CFAP99: variants seen among roughly 807,000 people sequenced by gnomAD.
The protein encoded by CFAP99 is cilia and flagella associated protein 99, also known as cilia- and flagella-associated protein 99.
In CFAP99, 84 loss-of-function variants were observed where a neutral mutation model predicts 82.7. That is an observed-to-expected ratio of 1.02 (90% CI 0.85 to 1.22). The LOEUF (loss-of-function observed/expected upper bound fraction) is 1.22, where lower values mean the gene tolerates loss of function less well. Among genes scored for constraint, CFAP99 ranks in the 50% most tolerant of loss-of-function variants. The pLI is 0.00. For synonymous variants in CFAP99, 456 were observed against 429.5 expected (o/e 1.06, Z -0.76); for missense variants, 1,059 against 983.5 (o/e 1.08, Z -1.03).
chr4:2,462,331 C>T lies in CFAP99; in HGVS notation c.1662-112C>T. On this transcript the variant is annotated intron_variant, in intron 14 of 14. Transcript: ENST00000635017. The surrounding 1 kb of genome is among the most constrained non-coding windows in gnomAD (Gnocchi z 4.1). ...TCTGTCCTAAATCATTCCGGTGAAC[C>T]TCTCCGGCTGCGTAGCTCCTTGCCC... The T allele has an allele frequency of 1.8e-6, 2 of 1,098,698 alleles. No individual in the cohort carries two copies. Among genetic ancestry groups the T allele is most frequent in the Non-Finnish European group, 2.4e-6 (2 of 829,634 alleles). The allele number at this position is 1,098,698 out of a possible 1,614,324, so 68.1% of individuals were successfully genotyped here.
chr4:2,429,452 C>T (rs541548708), intron 2 of CFAP99, among the ~76,000 whole-genome samples: 10 of 152,196 alleles, frequency 6.6e-5, no homozygotes, highest in Admixed American at 2.6e-4. Context: ...CCTGGCACAC[C>T]GATCCTACCG....
At chr4:2,453,998 T>G (rs1029483718) in intron 11 of CFAP99, among the ~76,000 whole-genome samples, 1 of 151,246 alleles carries the variant, frequency 6.6e-6, no homozygotes, top group Non-Finnish European at 1.5e-5. Context: ...TTTTTGGTTT[T>G]TGGTTTTTTT....
Position 2,462,647 on chromosome 4 carries a change from C to G in CFAP99, c.1866C>G (p.Ala622=). Residue 622 remains alanine, a synonymous_variant, in exon 15 of 15, where the codon GCC becomes GCG. Transcript: ENST00000635017. This position sits in a 1 kb window ranked among gnomAD's most constrained non-coding sequence, Gnocchi z 4.1. ...GGGAGGAGCCCGGGCGACTGAAAGC[C>G]GGGGCCGGGTGGGGATGGCGGGCGC... The G allele has an allele frequency of 1.6e-6, 2 of 1,289,036 alleles. No individual in the cohort carries two copies. The highest frequency in any genetic ancestry group is 2.0e-6 in the Non-Finnish European group (2 of 1,021,248). 79.8% of individuals were successfully genotyped at this position (1,289,036 alleles called of 1,614,324 possible). A position where few individuals can be genotyped will look rare whatever the true frequency, so the allele number is the denominator to read the frequency against.
At chr4:2,419,954 T>TA (rs1560373645) in intron 1 of CFAP99, among the ~76,000 whole-genome samples, 1 of 152,118 alleles carries the variant, frequency 6.6e-6, no homozygotes, top group African/African-American at 2.4e-5. Context: ...AAGCTCTTTA[T>TA]CAAAGTCATC....
chr4:2,433,888 C>CG (rs1356536496), intron 2 of CFAP99, among the ~76,000 whole-genome samples: 1 of 152,182 alleles, frequency 6.6e-6, no homozygotes, highest in Non-Finnish European at 1.5e-5. Flanking sequence ...CTGGGGACTC[C>CG]GAGGGAGCTG....
rs1734220382 is a variant in CFAP99, at chr4:2,448,474, AG to A, written c.643-1193del. Among the ~76,000 whole-genome samples, 1 of 152,234 alleles carries A rather than the reference AG, an allele frequency of 6.6e-6. No individual in the cohort carries two copies. On this transcript the variant is annotated intron_variant, in intron 6 of 14. Coordinates refer to ENST00000635017, the Ensembl canonical transcript of CFAP99. This position sits in a 1 kb window ranked among gnomAD's most constrained non-coding sequence, Gnocchi z 5.2. ...AAGACATCCTTCTGCTTCAGGGTTG[AG>A]GGCCCACTGTAATTCACTCATTCAT...
At chr4:2,432,251 G>A (rs1347952047) in intron 2 of CFAP99, among the ~76,000 whole-genome samples, 3 of 152,182 alleles carry the variant, frequency 2.0e-5, no homozygotes, top group African/African-American at 7.2e-5. Context: ...AACAGTATAA[G>A]GCATGTGCCA....
intron 11 of CFAP99, among the ~76,000 whole-genome samples, chr4:2,453,521 C>T (rs1008812795): frequency 6.6e-6 from 1 of 152,148 alleles, no homozygotes; most frequent in Non-Finnish European, 1.5e-5. Flanking sequence ...CCGCATGCCC[C>T]GCCACAGAGT....
exon 3 of CFAP99, chr4:2,436,896 G>C (rs1321511888): frequency 6.5e-7 from 1 of 1,535,912 alleles, no homozygotes; most frequent in African/African-American, 1.4e-5. Context: ...CAGAAGCAGA[G>C]CTTTGTTTTG....
At chr4:2,455,355 CTTGTG>C (rs1330170259) in intron 11 of CFAP99, among the ~76,000 whole-genome samples, 1 of 152,164 alleles carries the variant, frequency 6.6e-6, no homozygotes, top group African/African-American at 2.4e-5. Context: ...ACAGTCTTTT[CTTGTG>C]TTGTGTTTGG....
chr4:2,458,704 AG>A lies in CFAP99; in HGVS notation c.1162-17del. The A allele has an allele frequency of 6.6e-7, 1 of 1,525,174 alleles. No individual in the cohort carries two copies. The highest frequency in any genetic ancestry group is 8.8e-7 in the Non-Finnish European group (1 of 1,140,336). The allele number at this position is 1,525,174 out of a possible 1,614,324, so 94.5% of individuals were successfully genotyped here. A position where few individuals can be genotyped will look rare whatever the true frequency, so the allele number is the denominator to read the frequency against. On this transcript the variant is annotated intron_variant, in intron 11 of 14. Transcript: ENST00000635017. ...CCGGAGCAGCCCCACTCACCGTGGCAGGTCCGCTGTCTGGGCAGATGGCCAA... is the reference window on the plus strand; with the variant it reads ...CCGGAGCAGCCCCACTCACCGTGGCAGTCCGCTGTCTGGGCAGATGGCCAA...
At chr4:2,427,887 C>G (rs61535986) in intron 2 of CFAP99, 1 of 152,382 alleles carries the variant, frequency 6.6e-6, no homozygotes, top group African/African-American at 2.4e-5. Context: ...GGGGCCCCCA[C>G]CCATCCCTGC....
chr4:2,442,398 T>C (rs920679353), intron 4 of CFAP99, among the ~76,000 whole-genome samples: 6 of 152,016 alleles, frequency 3.9e-5, no homozygotes, highest in African/African-American at 1.4e-4. Context: ...GGATCCCTGG[T>C]TTCCTCTGCA....
chr4:2,422,732 G>A (rs890538277), intron 1 of CFAP99, among the ~76,000 whole-genome samples: 2 of 152,160 alleles, frequency 1.3e-5, no homozygotes, highest in African/African-American at 4.8e-5. Context: ...CCCATCCCAG[G>A]GCAGCCTGAC....
Position 2,451,152 on chromosome 4 carries a change from A to T in CFAP99, c.868-112A>T, listed in dbSNP as rs951501129. 4 of 1,446,014 alleles carry T rather than the reference A, an allele frequency of 2.8e-6. No individual in the cohort carries two copies. In the African/African-American group the frequency reaches 5.6e-5, roughly 20 times the overall value. 89.6% of individuals were successfully genotyped at this position (1,446,014 alleles called of 1,614,324 possible). On this transcript the variant is annotated intron_variant, in intron 9 of 14. Transcript: ENST00000635017. ...CAAGGACGGCCCCACCCTGGGGGAT[A>T]GGGAAGCACCTGGGCAGGGGGCAGG...
chr4:2,459,893 G>C (rs1734574064), intron 13 of CFAP99, 144 bp from the exon 14 acceptor site: 2 of 717,892 alleles, frequency 2.8e-6, no homozygotes, highest in Non-Finnish European at 4.8e-6. Context: ...AGGCTGGAGA[G>C]GCTGGGGGCA....
chr4:2,447,644 G>C (rs1181059832), intron 6 of CFAP99, among the ~76,000 whole-genome samples: 1 of 150,810 alleles, frequency 6.6e-6, no homozygotes, highest in Non-Finnish European at 1.5e-5. Flanking sequence ...TGGATGGGTG[G>C]GTGGATGGAT....
At chr4:2,449,842 A>T (rs1446774507) in intron 7 of CFAP99, 92 bp downstream of exon 7, 4 of 1,527,676 alleles carry the variant, frequency 2.6e-6, no homozygotes, top group Admixed American at 2.0e-5. Context: ...AGGAGGCAAG[A>T]GGGGGAGGCT....
intron 11 of CFAP99, among the ~76,000 whole-genome samples, chr4:2,452,637 C>T (rs574159283): frequency 1.2e-4 from 18 of 152,304 alleles, no homozygotes; most frequent in South Asian, 8.3e-4. Flanking sequence ...TCTCCTGGGA[C>T]GTATCCCTTT....
Sources: gnomAD v4.1 joint callset for allele counts (sites outside exome capture counted in the v4.1 genomes callset) on GRCh38, gnomAD v4.1.1 for gene constraint, Gnocchi (gnomAD v3.1) non-coding constraint, MANE v1.5 for transcripts, NCBI Gene and HGNC (gene_info 2026-07-23, HGNC 2026-07-21) for gene names.